C8orf34: variants seen among roughly 807,000 people sequenced by gnomAD.
The protein encoded by C8orf34 is uncharacterized protein C8orf34.
A neutral mutation model predicts 68.3 loss-of-function variants in C8orf34; 65 were observed. The ratio of observed to expected loss-of-function variants is 0.95; its 90% CI spans 0.78 to 1.17. The LOEUF (loss-of-function observed/expected upper bound fraction) is 1.17. C8orf34 is among the 50% of genes most tolerant of loss of function. The pLI is 0.00. For missense variants in C8orf34, 664 were observed against 655.4 expected (o/e 1.01, Z -0.14); for synonymous variants, 244 against 241.2 (o/e 1.01, Z -0.11).
chr8:68,483,336 A>G (rs150129253), intron 4 of C8orf34, among the ~76,000 whole-genome samples: 1 of 152,334 alleles, frequency 6.6e-6, no homozygotes, highest in Admixed American at 6.5e-5. Flanking sequence ...AGGCTGAAGA[A>G]AGAGGCTGCA....
At chr8:68,587,556 G>C (rs568880977) in intron 7 of C8orf34, among the ~76,000 whole-genome samples, 9 of 151,984 alleles carry the variant, frequency 5.9e-5, no homozygotes, top group African/African-American at 1.7e-4. Flanking sequence ...AGATAGGAAA[G>C]ATAGATAAGC....
intron 8 of C8orf34, among the ~76,000 whole-genome samples, chr8:68,707,142 C>T (rs1821190101): frequency 6.6e-6 from 1 of 152,156 alleles, no homozygotes; most frequent in East Asian, 1.9e-4. Flanking sequence ...TTGCATAGCA[C>T]CCATTAACCT....
intron 4 of C8orf34, among the ~76,000 whole-genome samples, chr8:68,484,833 C>T (rs1813007795): frequency 6.6e-6 from 1 of 152,104 alleles, no homozygotes; most frequent in African/African-American, 2.4e-5. Context: ...GGCAATTTGA[C>T]ATTGATAATA....
At chr8:68,546,738 T>C (rs535609320) in intron 7 of C8orf34, among the ~76,000 whole-genome samples, 1 of 151,958 alleles carries the variant, frequency 6.6e-6, no homozygotes, top group African/African-American at 2.4e-5. Context: ...CAGGGTCAAC[T>C]TTCTGTACTT....
At chr8:68,789,707 T>A (rs1823938617) in intron 12 of C8orf34, among the ~76,000 whole-genome samples, 1 of 152,144 alleles carries the variant, frequency 6.6e-6, no homozygotes, top group East Asian at 1.9e-4. Context: ...AGTAAATGAA[T>A]GAGAAAATGA....
Position 68,462,097 on chromosome 8 carries a change from T to C in C8orf34, c.608-6595T>C, listed in dbSNP as rs1020793639. 1.8e-3 allele frequency among the ~76,000 whole-genome samples: 271 copies of C among 151,960 alleles called. 1 individual carries two copies. The highest frequency in any genetic ancestry group is 2.9e-3 in the Admixed American group (44 of 15,254). On this transcript the variant is annotated intron_variant, in intron 3 of 13. Coordinates refer to ENST00000518698, the MANE Select transcript of C8orf34 (RefSeq NM_052958.4). ...CTCAAAATAAAAGGATGGAGGAAGA[T>C]CTACCAAGCAAATGGAAAACAAAAA...
intron 5 of C8orf34, among the ~76,000 whole-genome samples, chr8:68,513,605 G>GAAA (rs200691502): frequency 7.4e-6 from 1 of 135,608 alleles, no homozygotes; most frequent in Non-Finnish European, 1.5e-5. Flanking sequence ...TGACGGGGTA[G>GAAA]AGAAGAAGAA....
At chr8:68,484,448 C>T (rs1812991085) in intron 4 of C8orf34, among the ~76,000 whole-genome samples, 1 of 152,174 alleles carries the variant, frequency 6.6e-6, no homozygotes, top group South Asian at 2.1e-4. Context: ...TGTTCCAGTG[C>T]TCATTAAGAG....
At chr8:68,717,356 G>A (rs1053189378) in intron 9 of C8orf34, among the ~76,000 whole-genome samples, 8 of 152,056 alleles carry the variant, frequency 5.3e-5, no homozygotes, top group Non-Finnish European at 2.9e-5. Context: ...TTCGACCTGC[G>A]GTGGCAGGTG....
At chr8:68,543,024 C>A (rs946359785) in intron 7 of C8orf34, among the ~76,000 whole-genome samples, 1 of 151,986 alleles carries the variant, frequency 6.6e-6, no homozygotes, top group African/African-American at 2.4e-5. Context: ...AGTAATTTTT[C>A]CATAAACAAA....
chr8:68,642,644 A>T (rs569287800), intron 8 of C8orf34, among the ~76,000 whole-genome samples: 1 of 152,318 alleles, frequency 6.6e-6, no homozygotes, highest in Non-Finnish European at 1.5e-5. Context: ...AGGTTATATT[A>T]TGTAAGAGGA....
chr8:68,430,754 A>G (rs547184391), intron 1 of C8orf34, among the ~76,000 whole-genome samples: 1 of 152,258 alleles, frequency 6.6e-6, no homozygotes, highest in Admixed American at 6.5e-5. Context: ...TGATCATGCA[A>G]TTGCCTGTAG....
chr8:68,331,458 G>C (rs866909291), intron 1 of C8orf34, 119 bp downstream of exon 1: 2 of 1,125,872 alleles, frequency 1.8e-6, no homozygotes, highest in Non-Finnish European at 2.6e-6. Flanking sequence ...ACCAACGCGC[G>C]GGAGAGGGCG....
At chr8:68,347,254 G>A (rs2129618343) in intron 1 of C8orf34, among the ~76,000 whole-genome samples, 1 of 152,100 alleles carries the variant, frequency 6.6e-6, no homozygotes, top group South Asian at 2.1e-4. Context: ...AAGGATAATA[G>A]GCTCCAGCTC....
At chr8:68,644,743 C>T (rs188089072) in intron 8 of C8orf34, among the ~76,000 whole-genome samples, 1 of 152,132 alleles carries the variant, frequency 6.6e-6, no homozygotes, top group Non-Finnish European at 1.5e-5. Flanking sequence ...AGGCAAGCAG[C>T]CTGCAGTCTT....
rs565331746 is a variant in C8orf34, at chr8:68,449,458, T to C, written c.607+2998T>C. Among the ~76,000 whole-genome samples, 160 of 152,186 alleles carry C rather than the reference T, an allele frequency of 1.1e-3. 1 individual carries two copies. Among genetic ancestry groups the C allele is most frequent in the African/African-American group, 3.8e-3 (157 of 41,552 alleles). ...AACGTTCCCACCTCCTACCAGCCCC[T>C]GGCAACCTGCTTTTTGTCTCTATGA... On this transcript the variant is annotated intron_variant, in intron 3 of 13. Coordinates refer to ENST00000518698, the MANE Select transcript of C8orf34 (RefSeq NM_052958.4).
chr8:68,582,249 T>C (rs982267150), intron 7 of C8orf34, among the ~76,000 whole-genome samples: 5 of 152,270 alleles, frequency 3.3e-5, no homozygotes, highest in African/African-American at 1.2e-4. Flanking sequence ...GGGAATGACC[T>C]AATGCAACAG....
intron 1 of C8orf34, among the ~76,000 whole-genome samples, chr8:68,411,548 C>T (rs1466507881): frequency 6.6e-6 from 1 of 152,132 alleles, no homozygotes; most frequent in Non-Finnish European, 1.5e-5. Flanking sequence ...AAAGTGATTG[C>T]TGTGTATTGT....
At chr8:68,784,869 G>A (rs566140280) in intron 11 of C8orf34, among the ~76,000 whole-genome samples, 6 of 151,764 alleles carry the variant, frequency 4.0e-5, no homozygotes, top group South Asian at 2.1e-4. Flanking sequence ...CAGATGGTTC[G>A]GCTTATCTTG....
Sources: gnomAD v4.1 joint callset for allele counts (sites outside exome capture counted in the v4.1 genomes callset) on GRCh38, gnomAD v4.1.1 for gene constraint, MANE v1.5 for transcripts, NCBI Gene and HGNC (gene_info 2026-07-23, HGNC 2026-07-21) for gene names.